Variants in BBS2 observed in about 807,000 individuals in gnomAD.
BBS2 encodes the protein BBSome complex member BBS2.
In BBS2, 62 loss-of-function variants were observed where a neutral mutation model predicts 83.0. The ratio of observed to expected loss-of-function variants is 0.75; its 90% CI spans 0.61 to 0.92. The LOEUF (loss-of-function observed/expected upper bound fraction) is 0.92, where lower values mean the gene tolerates loss of function less well. Among genes scored for constraint, BBS2 ranks in the 40% least tolerant of loss-of-function variants. The probability of loss-of-function intolerance (pLI) is 0.00; values close to 1 mark genes in which losing one functional copy is unlikely to be tolerated. For missense variants in BBS2, 784 were observed against 901.0 expected (o/e 0.87, Z 1.66); for synonymous variants, 303 against 326.1 (o/e 0.93, Z 0.76).
chr16:56,501,710 T>A, intron 9 of BBS2: 1 of 620,906 alleles, frequency 1.6e-6, no homozygotes, highest in Non-Finnish European at 2.8e-6. Flanking sequence ...CATCTTTCTA[T>A]GGGTATGGTC....
Position 56,515,934 on chromosome 16 carries a change from C to T in BBS2, c.118-1254G>A, listed in dbSNP as rs1964733113. On this transcript the variant is annotated intron_variant, in intron 1 of 16. Coordinates refer to ENST00000245157, the MANE Select transcript of BBS2 (RefSeq NM_031885.5). Reference sequence around the variant, plus strand: ...TGTGCTCCAGGCCCTGCGCTCCAGCCACCACCACATCACACTTCCTTTTAT... The same window carrying T: ...TGTGCTCCAGGCCCTGCGCTCCAGCTACCACCACATCACACTTCCTTTTAT... 2.0e-5 allele frequency: 3 copies of T among 152,216 alleles called. No individual in the cohort carries two copies. In the South Asian group the frequency reaches 6.2e-4, roughly 32 times the overall value. The allele number at this position is 152,216 out of a possible 1,614,324, so 9.4% of individuals were successfully genotyped here. A position where few individuals can be genotyped will look rare whatever the true frequency, so the allele number is the denominator to read the frequency against.
intron 15 of BBS2, among the ~76,000 whole-genome samples, chr16:56,494,141 T>TA (rs1292576885): frequency 1.3e-5 from 2 of 148,646 alleles, no homozygotes; most frequent in East Asian, 3.9e-4. Flanking sequence ...TTTTTTTTTT[T>TA]TTTTTTTGCA....
At chr16:56,503,597 A>G (rs754934208) in intron 7 of BBS2, among the ~76,000 whole-genome samples, 12 of 152,188 alleles carry the variant, frequency 7.9e-5, no homozygotes, top group Non-Finnish European at 5.9e-5. Flanking sequence ...TGCATCTCAA[A>G]AGTGATAATA....
At chr16:56,513,703 T>C (rs1964644442) in intron 2 of BBS2, among the ~76,000 whole-genome samples, 2 of 151,846 alleles carry the variant, frequency 1.3e-5, no homozygotes, top group Admixed American at 1.3e-4. Context: ...TAAAGAAAAA[T>C]GGGGAGTGAT....
At chr16:56,491,469 C>G (rs1468288629) in intron 15 of BBS2, among the ~76,000 whole-genome samples, 1 of 152,132 alleles carries the variant, frequency 6.6e-6, no homozygotes, top group Non-Finnish European at 1.5e-5. Context: ...TGGCCCTCAA[C>G]AGAAGTCAAG....
intron 1 of BBS2, 82 bp downstream of exon 1, chr16:56,519,664 G>A (rs1267061296): frequency 1.7e-6 from 2 of 1,157,252 alleles, no homozygotes; most frequent in Admixed American, 1.8e-5. Context: ...GGGTCGGAGA[G>A]GGGACGGGAT....
chr16:56,471,365 G>T (rs945681830), intron 17 of BBS2, among the ~76,000 whole-genome samples: 2 of 92,582 alleles, frequency 2.2e-5, no homozygotes, highest in Non-Finnish European at 2.3e-5. Context: ...ACATCTCAAA[G>T]AAAAAAAAAA....
chr16:56,492,924 CA>C lies in BBS2; in HGVS notation c.1910+4042del, dbSNP rs146619754. Among the ~76,000 whole-genome samples, 275 of 152,002 alleles carry C rather than the reference CA, an allele frequency of 1.8e-3. 1 individual carries two copies. The highest frequency in any genetic ancestry group is 6.5e-3 in the African/African-American group (270 of 41,528). ...CAAAAATATAAAAAGATTTACGTAACAAAACTATTCACTTAAGCATTATCTA... is the reference window on the plus strand; with the variant it reads ...CAAAAATATAAAAAGATTTACGTAACAAACTATTCACTTAAGCATTATCTA... On this transcript the variant is annotated intron_variant, in intron 15 of 16. Coordinates refer to ENST00000245157, the MANE Select transcript of BBS2 (RefSeq NM_031885.5).
In BBS2 at chr16:56,519,835, G is replaced by C; in HGVS notation, c.28C>G (p.Leu10Val). The C allele has an allele frequency of 6.2e-7, 1 of 1,613,866 alleles. No individual in the cohort carries two copies. The highest frequency in any genetic ancestry group is 8.5e-7 in the Non-Finnish European group (1 of 1,179,802). Residue 10 changes from leucine to valine, a missense_variant, in exon 1 of 17, where the codon CTG (leucine) becomes GTG (valine). By Grantham distance (32) the Leu-to-Val change is conservative. Transcript: ENST00000245157. ...ATTCGGGGGCTGATTTTGTGGCGCA[G>C]TTTCAGGGTGAACACAGGCAGCAGC... MLLPVFTLK[L>V]RHKISPRMVA...
In BBS2 at chr16:56,490,848, G is replaced by A. The variant is rs112624845; in HGVS notation, c.1911-5110C>T. Among the ~76,000 whole-genome samples, 75 of 151,014 alleles carry A rather than the reference G, an allele frequency of 5.0e-4. 1 individual carries two copies. Among genetic ancestry groups the A allele is most frequent in the African/African-American group, 1.8e-3 (74 of 41,120 alleles). On this transcript the variant is annotated intron_variant, in intron 15 of 16. Coordinates refer to ENST00000245157, the MANE Select transcript of BBS2 (RefSeq NM_031885.5). ...GCGATCTCAGCTCACTGCAACCTCC[G>A]CCTCCCGGGTTCACACCATTCTCCC...
chr16:56,498,706 G>GA lies in BBS2; in HGVS notation c.1528-139dup, dbSNP rs754931581. The GA allele has an allele frequency of 0.085, 73,046 of 863,484 alleles. 1 individual carries two copies. The highest frequency in any genetic ancestry group is 0.098 in the East Asian group (2,334 of 23,856). The allele number at this position is 863,484 out of a possible 1,614,324, so 53.5% of individuals were successfully genotyped here. On this transcript the variant is annotated intron_variant, in intron 12 of 16. Coordinates refer to ENST00000245157, the MANE Select transcript of BBS2 (RefSeq NM_031885.5). ...CTTTCTAGTTTTACTGCTTTGTTGA[G>GA]AAAAAAAAAAAAGAATTATACTTCA...
intron 17 of BBS2, chr16:56,477,152 AC>A (rs1448506109): frequency 1.3e-5 from 2 of 152,138 alleles, no homozygotes; most frequent in African/African-American, 4.8e-5. Context: ...GAAGAAAAAA[AC>A]ATAAGTGATT....
chr16:56,497,596 T>C (rs1964150137), intron 14 of BBS2, 147 bp downstream of exon 14: 1 of 1,033,890 alleles, frequency 9.7e-7, no homozygotes, highest in African/African-American at 1.6e-5. Context: ...TAGTAAACTC[T>C]CCAATACTAG....
At chr16:56,485,779 T>C (rs1378439919) in intron 15 of BBS2, 41 bp from the exon 16 acceptor site, 3 of 1,604,528 alleles carry the variant, frequency 1.9e-6, no homozygotes, top group African/African-American at 2.7e-5. Flanking sequence ...TTCATGTTGA[T>C]ATGGCAAGCT....
At chr16:56,497,995 T>A in intron 13 of BBS2, 115 bp from the exon 14 acceptor site, 2 of 1,070,638 alleles carry the variant, frequency 1.9e-6, no homozygotes, top group African/African-American at 3.2e-5. Flanking sequence ...TATATATATA[T>A]GCAGTGTTGA....
intron 15 of BBS2, among the ~76,000 whole-genome samples, chr16:56,495,790 GTATATATATGTA>G (rs1964099701): frequency 1.0e-5 from 1 of 97,450 alleles, no homozygotes; most frequent in Non-Finnish European, 2.1e-5. Context: ...GTGTGTGTGT[GTATATATATGTA>G]TATATATATA....
intron 17 of BBS2, among the ~76,000 whole-genome samples, chr16:56,471,514 A>T (rs1278611654): frequency 1.3e-5 from 2 of 152,222 alleles, no homozygotes; most frequent in East Asian, 3.8e-4. Context: ...TATTGGCACC[A>T]TTAAAAAGTA....
At chr16:56,516,304 A>T (rs1425394996) in intron 1 of BBS2, among the ~76,000 whole-genome samples, 1 of 152,204 alleles carries the variant, frequency 6.6e-6, no homozygotes. Flanking sequence ...GCTGCAAACA[A>T]TATAAATTCA....
At chr16:56,509,790 A>G (rs1964526154) in intron 5 of BBS2, 167 bp downstream of exon 5, 1 of 628,058 alleles carries the variant, frequency 1.6e-6, no homozygotes, top group African/African-American at 1.8e-5. Flanking sequence ...TAGGATTTTT[A>G]TTGCTTTTCT....
Sources: gnomAD v4.1 joint callset for allele counts (sites outside exome capture counted in the v4.1 genomes callset) on GRCh38, gnomAD v4.1.1 for gene constraint, MANE v1.5 for transcripts, NCBI Gene and HGNC (gene_info 2026-07-23, HGNC 2026-07-21) for gene names.